TGFA: variants seen among roughly 807,000 people sequenced by gnomAD.
TGFA encodes protransforming growth factor alpha.
A neutral mutation model predicts 21.7 loss-of-function variants in TGFA; 12 were observed. The ratio of observed to expected loss-of-function variants is 0.55; its 90% CI spans 0.35 to 0.90. The LOEUF is 0.90. Ranked by LOEUF, TGFA falls within the 40% of genes least tolerant of loss-of-function variation. The pLI, the probability that TGFA is intolerant of heterozygous loss-of-function variation, is 0.01. For synonymous variants in TGFA, 79 were observed against 88.1 expected (o/e 0.90, Z 0.58); for missense variants, 178 against 210.8 (o/e 0.84, Z 0.96).
chr2:70,516,609 A>G lies in TGFA; in HGVS notation c.41-1697T>C, dbSNP rs562610236. ...CTGTGCAATTCTTTCTTGCTGTCCAATTGATGCTAATTTTGGAAGCAAGGC... is the reference window on the plus strand; with the variant it reads ...CTGTGCAATTCTTTCTTGCTGTCCAGTTGATGCTAATTTTGGAAGCAAGGC... On this transcript the variant is annotated intron_variant, in intron 1 of 5. Transcript: ENST00000295400. 2.6e-5 allele frequency among the ~76,000 whole-genome samples: 4 copies of G among 152,270 alleles called. No homozygotes were observed. In the South Asian group the frequency reaches 6.2e-4, roughly 24 times the overall value.
intron 1 of TGFA, chr2:70,553,374 CG>C: frequency 6.8e-7 from 1 of 1,460,432 alleles, no homozygotes; most frequent in Admixed American, 2.7e-5. Flanking sequence ...CCGGCTGAGC[CG>C]GGCTTGGAGG....
intron 2 of TGFA, among the ~76,000 whole-genome samples, chr2:70,482,984 TG>T (rs1671168137): frequency 6.6e-6 from 1 of 152,228 alleles, no homozygotes; most frequent in African/African-American, 2.4e-5. Flanking sequence ...GGTAAACCCA[TG>T]TTGAGTATGT....
At chr2:70,545,212 C>T (rs782748054) in intron 1 of TGFA, among the ~76,000 whole-genome samples, 5 of 149,624 alleles carry the variant, frequency 3.3e-5, no homozygotes, top group Admixed American at 1.3e-4. Context: ...ATGAAGGACA[C>T]GAAGGAGACG....
intron 2 of TGFA, among the ~76,000 whole-genome samples, chr2:70,513,200 G>T (rs984306523): frequency 1.3e-5 from 2 of 152,166 alleles, no homozygotes; most frequent in East Asian, 1.9e-4. Context: ...TACCCAGTGC[G>T]TAAGTGTTGC....
chr2:70,510,905 C>G (rs1049925936), intron 2 of TGFA, among the ~76,000 whole-genome samples: 1 of 152,004 alleles, frequency 6.6e-6, no homozygotes, highest in Admixed American at 6.6e-5. Context: ...CTTTGGGAGG[C>G]CAAAGTGGGA....
chr2:70,493,779 G>A (rs782722355), intron 2 of TGFA, among the ~76,000 whole-genome samples: 3 of 152,214 alleles, frequency 2.0e-5, no homozygotes, highest in Admixed American at 6.5e-5. Flanking sequence ...TAGTGATGAA[G>A]AAAAGGAGCT....
At chr2:70,491,366 G>T (rs1553497597) in intron 2 of TGFA, among the ~76,000 whole-genome samples, 1 of 152,072 alleles carries the variant, frequency 6.6e-6, no homozygotes, top group African/African-American at 2.4e-5. Flanking sequence ...AAGTGTGGGG[G>T]GCCCAAAACC....
chr2:70,507,861 A>G (rs1218180598), intron 2 of TGFA, among the ~76,000 whole-genome samples: 4 of 152,216 alleles, frequency 2.6e-5, no homozygotes, highest in South Asian at 2.1e-4. Flanking sequence ...TTGCTAAAGC[A>G]TCTAGACCAA....
At chr2:70,453,170 C>A in intron 5 of TGFA, 48 bp downstream of exon 5, 3 of 1,532,916 alleles carry the variant, frequency 2.0e-6, no homozygotes, top group South Asian at 2.3e-5. Context: ...AGAAGGTGGT[C>A]GTTTTCTCCA....
At chr2:70,463,720 G>A (rs1430044589) in intron 3 of TGFA, among the ~76,000 whole-genome samples, 1 of 152,146 alleles carries the variant, frequency 6.6e-6, no homozygotes, top group African/African-American at 2.4e-5. Flanking sequence ...AGCCCTGGAC[G>A]TGGCTGGTGG....
intron 1 of TGFA, chr2:70,553,205 A>C: frequency 6.5e-7 from 1 of 1,536,152 alleles, no homozygotes; most frequent in Non-Finnish European, 8.7e-7. Flanking sequence ...AAGAGCTCTG[A>C]AAAGAGATCG....
intron 5 of TGFA, among the ~76,000 whole-genome samples, chr2:70,452,606 T>C (rs1574063533): frequency 6.6e-6 from 1 of 152,288 alleles, no homozygotes; most frequent in Admixed American, 6.5e-5. Flanking sequence ...AGGTATTTTA[T>C]ATCAGTACTC....
chr2:70,553,201 T>G, intron 1 of TGFA: 1 of 1,536,032 alleles, frequency 6.5e-7, no homozygotes, highest in Non-Finnish European at 8.7e-7. Context: ...GCTCAAGAGC[T>G]CTGAAAAGAG....
chr2:70,542,225 T>C (rs1345915614), intron 1 of TGFA, among the ~76,000 whole-genome samples: 3 of 152,174 alleles, frequency 2.0e-5, no homozygotes, highest in African/African-American at 7.2e-5. Flanking sequence ...AAGTCTGTAA[T>C]TGCAAACACC....
chr2:70,461,234 C>CCA (rs1436287305), intron 3 of TGFA, among the ~76,000 whole-genome samples: 1 of 152,190 alleles, frequency 6.6e-6, no homozygotes, highest in Admixed American at 6.5e-5. Context: ...TGTGTGACCC[C>CCA]CACTCTGGGA....
chr2:70,449,622 C>CTGAATG lies in TGFA; in HGVS notation c.*1231_*1236dup, dbSNP rs1431616802. The CTGAATG allele has an allele frequency of 3.8e-6, 1 of 262,600 alleles. No individual in the cohort carries two copies. Among genetic ancestry groups the CTGAATG allele is most frequent in the African/African-American group, 2.3e-5 (1 of 43,602 alleles). The allele number at this position is 262,600 out of a possible 1,614,324, so 16.3% of individuals were successfully genotyped here. On this transcript the variant is annotated 3_prime_UTR_variant, in exon 6 of 6. Coordinates refer to ENST00000295400, the MANE Select transcript of TGFA (RefSeq NM_003236.4). ...AGTTTTTGTTAATAAAGCCGGCATCCTGAATGGAAATGAGGAAAAAAAAAT... is the reference window on the plus strand; with the variant it reads ...AGTTTTTGTTAATAAAGCCGGCATCCTGAATGTGAATGGAAATGAGGAAAAAAAAAT...
chr2:70,525,288 T>C (rs1366085508), intron 1 of TGFA, among the ~76,000 whole-genome samples: 1 of 152,058 alleles, frequency 6.6e-6, no homozygotes, highest in African/African-American at 2.4e-5. Flanking sequence ...CAAATACCAG[T>C]GTGACTTGGC....
chr2:70,521,617 GTTTTTTTTTTTT>G (rs35177436), intron 1 of TGFA, among the ~76,000 whole-genome samples: 1 of 87,096 alleles, frequency 1.1e-5, no homozygotes, highest in Non-Finnish European at 2.1e-5. Flanking sequence ...TTGTTTGTTT[GTTTTTTTTTTTT>G]TTTTTTTTTG....
chr2:70,487,112 AAG>A (rs1408206290), intron 2 of TGFA, among the ~76,000 whole-genome samples: 1 of 152,212 alleles, frequency 6.6e-6, no homozygotes, highest in Non-Finnish European at 1.5e-5. Flanking sequence ...ATACATGTTT[AAG>A]AGAGAAAACT....
Sources: allele counts gnomAD v4.1 joint callset (sites outside exome capture counted in the v4.1 genomes callset), GRCh38; gene constraint gnomAD v4.1.1; transcripts MANE v1.5; gene names NCBI Gene and HGNC (gene_info 2026-07-23, HGNC 2026-07-21).